DEPDC4: variants seen among roughly 807,000 people sequenced by gnomAD.
The protein encoded by DEPDC4 is DEP domain containing 4.
In DEPDC4, 52 loss-of-function variants were observed where a neutral mutation model predicts 52.0. The observed-to-expected ratio is 1.00, with a 90% CI of 0.80 to 1.26. DEPDC4 has a LOEUF of 1.26. Among genes scored for constraint, DEPDC4 ranks in the 50% most tolerant of loss-of-function variants. The pLI is 0.00. For synonymous variants in DEPDC4, 201 were observed against 196.8 expected (o/e 1.02, Z -0.18); for missense variants, 530 against 546.9 (o/e 0.97, Z 0.31).
At chr12:100,277,302 C>A in the DEPDC4 span, among the ~76,000 whole-genome samples, 1 of 152,156 alleles carries the variant, frequency 6.6e-6, no homozygotes, top group Non-Finnish European at 1.5e-5. Context: ...AAGTCTCTGT[C>A]CTTACTGATT....
At chr12:100,279,420 C>T in the DEPDC4 span, among the ~76,000 whole-genome samples, 1 of 152,180 alleles carries the variant, frequency 6.6e-6, no homozygotes, top group African/African-American at 2.4e-5. Context: ...ACTGATCTGG[C>T]GGCCTAGGGG....
At chr12:100,260,150 C>T (rs1481729108) in intron 3 of DEPDC4, among the ~76,000 whole-genome samples, 3 of 151,288 alleles carry the variant, frequency 2.0e-5, no homozygotes, top group African/African-American at 7.3e-5. Context: ...GACAGAGTTT[C>T]GCTCTTGTTG....
rs150144798 is a variant in DEPDC4 at position 100,266,945 on chromosome 12, A to G, written c.132T>C (p.Asp44=). ...CTGTCCTCCTTTTCCGGCAGAAGCC[A>G]TCTCTACGGTTCCTGGAACTTGGCC... is the stretch of plus-strand genomic sequence containing the variant. ...LNGPSSRNRR[D]GFCRKRRTGC... is the part of the protein sequence containing the mutation. The change falls in exon 1 of 10, where the codon GAT becomes GAC. Residue 44 remains aspartate (D), a synonymous_variant. Transcript: ENST00000550587. 1.9e-4 allele frequency: 304 copies of G among 1,613,662 alleles called. 1 individual carries two copies. The highest frequency in any genetic ancestry group is 2.4e-4 in the Non-Finnish European group (281 of 1,179,830).
chr12:100,245,928 A>G (rs986172405), intron 8 of DEPDC4, among the ~76,000 whole-genome samples: 3 of 151,860 alleles, frequency 2.0e-5, no homozygotes, highest in African/African-American at 7.3e-5. Flanking sequence ...TCTCCTTGGC[A>G]GCAGTTTCTT....
downstream of DEPDC4, among the ~76,000 whole-genome samples, chr12:100,236,828 G>GT (rs1343910444): frequency 1.3e-5 from 2 of 152,130 alleles, no homozygotes; most frequent in African/African-American, 4.8e-5. Flanking sequence ...TTAGATTTAA[G>GT]TCCTTGATCC....
intron 2 of DEPDC4, among the ~76,000 whole-genome samples, chr12:100,263,014 G>A (rs961919661): frequency 6.6e-6 from 1 of 152,172 alleles, no homozygotes; most frequent in Admixed American, 6.5e-5. Flanking sequence ...CTGGAGTACA[G>A]TGGCACAATC....
intron 9 of DEPDC4, among the ~76,000 whole-genome samples, chr12:100,232,702 G>T (rs2096136400): frequency 6.6e-6 from 1 of 152,060 alleles, no homozygotes; most frequent in African/African-American, 2.4e-5. Context: ...TGACCAACTT[G>T]GAGAAACCCC....
At chr12:100,267,123 G>C, upstream of DEPDC4, 1 of 1,587,740 alleles carries the variant, frequency 6.3e-7, no homozygotes. Context: ...TACTGGCTCC[G>C]CCTCTTCCGA....
Position 100,266,774 on chromosome 12 carries a change from G to A in DEPDC4, c.157+146C>T, listed in dbSNP as rs2096275540. On this transcript the variant is annotated intron_variant, in intron 1 of 9. Transcript: ENST00000550587. ...AAAAGCCTCAGTCCTGGGTCCCCCA[G>A]TCCAGTGCCTGGTAGGGCAGGAAGG... 4 of 1,127,504 alleles carry A rather than the reference G, an allele frequency of 3.5e-6. No homozygotes were observed. The Admixed American group carries it at 1.0e-4, about 28-fold the overall frequency. 69.8% of individuals were successfully genotyped at this position (1,127,504 alleles called of 1,614,324 possible).
At chr12:100,258,229 T>C (rs375992868) in intron 3 of DEPDC4, among the ~76,000 whole-genome samples, 1 of 152,164 alleles carries the variant, frequency 6.6e-6, no homozygotes, top group Non-Finnish European at 1.5e-5. Flanking sequence ...AAAGGAAAAG[T>C]GTTTTTAGGT....
rs183635794 is a variant in DEPDC4 at position 100,233,831 on chromosome 12, G to T, written c.*699+4137C>A. On this transcript the variant is annotated intron_variant and NMD_transcript_variant, in intron 9 of 10. Transcript: ENST00000378244. ...GATCTCAATAACAGATTTCAGTCTT[G>T]AATTCTTTATGTATAAAAGTTATAT... is the stretch of plus-strand genomic sequence containing the variant. Among the ~76,000 whole-genome samples the T allele has an allele frequency of 3.1e-3, 476 of 152,230 alleles. 3 individuals carry two copies. The highest frequency in any genetic ancestry group is 0.011 in the African/African-American group (437 of 41,542).
At chr12:100,243,896 A>T (rs2096171186) in intron 8 of DEPDC4, among the ~76,000 whole-genome samples, 1 of 151,624 alleles carries the variant, frequency 6.6e-6, no homozygotes, top group Non-Finnish European at 1.5e-5. Flanking sequence ...CTTCCAATAC[A>T]TGGAACCCTC....
At chr12:100,261,659 C>T (rs1339158389) in intron 3 of DEPDC4, 1 of 455,490 alleles carries the variant, frequency 2.2e-6, no homozygotes, top group Non-Finnish European at 4.4e-6. Flanking sequence ...CAGACTATAG[C>T]ACCTCCAGTT....
At chr12:100,267,511 G>T, upstream of DEPDC4, 1 of 154,998 alleles carries the variant, frequency 6.5e-6, no homozygotes, top group Non-Finnish European at 1.4e-5. Context: ...AGGCCTCCCA[G>T]GGCCGCTCAG....
the DEPDC4 span, among the ~76,000 whole-genome samples, chr12:100,280,790 A>C: frequency 6.6e-6 from 1 of 152,082 alleles, no homozygotes; most frequent in Non-Finnish European, 1.5e-5. Flanking sequence ...TAATGTAAGC[A>C]TCCAACATCT....
intron 3 of DEPDC4, among the ~76,000 whole-genome samples, chr12:100,256,646 T>G (rs527830721): frequency 6.9e-6 from 1 of 144,630 alleles, no homozygotes; most frequent in African/African-American, 2.5e-5. Flanking sequence ...GTGTTTTTTG[T>G]TTTTTTTTTT....
chr12:100,258,709 T>C (rs546620770), intron 3 of DEPDC4, among the ~76,000 whole-genome samples: 1 of 145,580 alleles, frequency 6.9e-6, no homozygotes, highest in African/African-American at 2.8e-5. Context: ...TGAGAAATTA[T>C]TTCCACCTAG....
chr12:100,240,163 C>G lies in DEPDC4; in HGVS notation c.*1729G>C, dbSNP rs1039978630. On this transcript the variant is annotated 3_prime_UTR_variant, in exon 10 of 10. Transcript: ENST00000550587. ...AAGATGACCACAAAATACTTTTTTC[C>G]TTCTTTTTTTTGAGACAGGCTTCCT... is the stretch of plus-strand genomic sequence containing the variant. Among the ~76,000 whole-genome samples the G allele has an allele frequency of 6.6e-6, 1 of 151,732 alleles. No homozygotes were observed. Among genetic ancestry groups the G allele is most frequent in the African/African-American group, 2.4e-5 (1 of 41,300 alleles).
At chr12:100,244,453 T>C (rs551387130) in intron 8 of DEPDC4, among the ~76,000 whole-genome samples, 3 of 151,678 alleles carry the variant, frequency 2.0e-5, no homozygotes, top group Non-Finnish European at 4.4e-5. Context: ...AGTGCTGGGA[T>C]TACAGTCATG....
Sources: allele counts gnomAD v4.1 joint callset (sites outside exome capture counted in the v4.1 genomes callset), GRCh38; gene constraint gnomAD v4.1.1; transcripts MANE v1.5; gene names NCBI Gene and HGNC (gene_info 2026-07-23, HGNC 2026-07-21).